PRH1: variants seen among roughly 807,000 people sequenced by gnomAD.
PRH1 encodes the protein proline rich protein HaeIII subfamily 1, also known as salivary acidic proline-rich phosphoprotein 1/2.
PRH1 carries 7 observed loss-of-function variants against 7.9 expected under a neutral mutation model. The ratio of observed to expected loss-of-function variants is 0.89; its 90% CI spans 0.50 to 1.67. The LOEUF (loss-of-function observed/expected upper bound fraction) is 1.67, where lower values mean the gene tolerates loss of function less well. Among genes scored for constraint, PRH1 ranks in the 40% most tolerant of loss-of-function variants. PRH1 has a pLI of 0.00. For missense variants in PRH1, 109 were observed against 223.6 expected, an observed-to-expected ratio of 0.49 and a Z score of 3.27; for synonymous variants, 45 against 80.8, an observed-to-expected ratio of 0.56 and a Z score of 2.38.
intron 2 of PRH1, among the ~76,000 whole-genome samples, chr12:10,923,124 G>A (rs1185405735): frequency 3.5e-5 from 5 of 142,702 alleles, no homozygotes; most frequent in Admixed American, 7.0e-5. Flanking sequence ...CACCGCGCCC[G>A]GCCCTTTTTT....
intron 1 of PRH1, among the ~76,000 whole-genome samples, chr12:11,084,198 C>CAT (rs1944600464): frequency 3.6e-5 from 1 of 27,978 alleles, no homozygotes; most frequent in Non-Finnish European, 1.4e-4. Flanking sequence ...GGGATTGTAA[C>CAT]GGGCACAAGC....
chr12:11,083,341 C>A (rs1339517161), intron 1 of PRH1, among the ~76,000 whole-genome samples: 32 of 106,012 alleles, frequency 3.0e-4, no homozygotes, highest in Admixed American at 1.4e-3. Context: ...TTACCTCTTC[C>A]TTTTTTAAAT....
chr12:10,940,434 T>C (rs1420333132), intron 2 of PRH1, among the ~76,000 whole-genome samples: 1 of 152,244 alleles, frequency 6.6e-6, no homozygotes, highest in Non-Finnish European at 1.5e-5. Flanking sequence ...ATATTTTCTC[T>C]GTACATGTGA....
At chr12:11,125,712 A>ATAACT (rs1382654536) in intron 1 of PRH1, among the ~76,000 whole-genome samples, 1 of 144,880 alleles carries the variant, frequency 6.9e-6, no homozygotes, top group Non-Finnish European at 1.5e-5. Flanking sequence ...CGATATTACT[A>ATAACT]TATTGGAAAT....
chr12:11,104,096 C>T (rs1046851448), intron 1 of PRH1, among the ~76,000 whole-genome samples: 1 of 149,748 alleles, frequency 6.7e-6, no homozygotes, highest in African/African-American at 2.5e-5. Context: ...TAGGATGTTC[C>T]AGATTCACTT....
intron 1 of PRH1, among the ~76,000 whole-genome samples, chr12:11,066,961 A>C (rs1164917907): frequency 6.6e-6 from 1 of 152,164 alleles, no homozygotes; most frequent in Non-Finnish European, 1.5e-5. Flanking sequence ...CTTTTTGGGC[A>C]TTTTTCAATA....
At chr12:10,975,329 T>C (rs968279371) in intron 1 of PRH1, among the ~76,000 whole-genome samples, 3 of 152,204 alleles carry the variant, frequency 2.0e-5, no homozygotes, top group Non-Finnish European at 2.9e-5. Context: ...CAAACTAAGC[T>C]TCATAAGTGA....
At chr12:11,004,581 A>G (rs925340477) in intron 1 of PRH1, among the ~76,000 whole-genome samples, 1 of 152,142 alleles carries the variant, frequency 6.6e-6, no homozygotes, top group East Asian at 1.9e-4. Flanking sequence ...CTTTAGTTGA[A>G]AAATTACATC....
At position 11,087,937 on chromosome 12, in the gene PRH1, C is replaced by A. The variant is rs1435500221; in HGVS notation, n.124-40749G>T. 2.1e-5 allele frequency among the ~76,000 whole-genome samples: 2 copies of A among 95,762 alleles called. 1 individual carries two copies. The highest frequency in any genetic ancestry group is 5.1e-5 in the Non-Finnish European group (2 of 39,396). 62.8% of individuals were successfully genotyped at this position (95,762 alleles called of 152,430 possible). ...TATGAGGAAAAATCAAAACAATTTG[C>A]CTCGTTTTATAATAATAATAACACT... On this transcript the variant is annotated intron_variant and non_coding_transcript_variant, in intron 1 of 4. Transcript: ENST00000541977.
intron 2 of PRH1, among the ~76,000 whole-genome samples, chr12:10,899,371 C>G (rs1303735259): frequency 6.6e-6 from 1 of 152,128 alleles, no homozygotes; most frequent in African/African-American, 2.4e-5. Context: ...CATCAGAACT[C>G]ATATTGGGAT....
At position 11,067,004 on chromosome 12, in the gene PRH1, A is replaced by C. The variant is rs1172292147; in HGVS notation, n.124-19816T>G. 2.0e-5 allele frequency among the ~76,000 whole-genome samples: 3 copies of C among 152,318 alleles called. No individual in the cohort carries two copies. The Middle Eastern group carries it at 0.01, about 518-fold the overall frequency. On this transcript the variant is annotated intron_variant and non_coding_transcript_variant, in intron 1 of 4. Transcript: ENST00000541977. ...AGAAAAATACTCTCTGCAATAATAC[A>C]GTATATCAACTTCATTTCATCTTTT... is the stretch of plus-strand genomic sequence containing the variant.
upstream of PRH1, chr12:11,171,530 G>C: frequency 8.1e-7 from 1 of 1,232,328 alleles, no homozygotes; most frequent in Non-Finnish European, 1.0e-6. Context: ...CGGGCTCGGT[G>C]ATCCTCAACA....
chr12:11,056,513 T>C (rs1369475375), intron 1 of PRH1, among the ~76,000 whole-genome samples: 1 of 152,192 alleles, frequency 6.6e-6, no homozygotes, highest in African/African-American at 2.4e-5. Context: ...AACTACTCCC[T>C]GCCTCAGTAT....
intron 1 of PRH1, among the ~76,000 whole-genome samples, chr12:11,110,153 G>C (rs1355160366): frequency 6.6e-6 from 1 of 152,158 alleles, no homozygotes; most frequent in Non-Finnish European, 1.5e-5. Flanking sequence ...AAAGCCTCAA[G>C]AAATATTGGA....
intron 1 of PRH1, among the ~76,000 whole-genome samples, chr12:11,105,766 T>A (rs1313929938): frequency 6.6e-6 from 1 of 152,142 alleles, no homozygotes; most frequent in East Asian, 1.9e-4. Context: ...AAAGGGAGCT[T>A]GGACATAACT....
chr12:10,898,625 T>A (rs1377614657), intron 2 of PRH1, among the ~76,000 whole-genome samples: 2 of 152,104 alleles, frequency 1.3e-5, no homozygotes, highest in Non-Finnish European at 2.9e-5. Context: ...ATATATATCA[T>A]ACAGATATAA....
rs577168960 is a variant in PRH1 at position 11,068,366 on chromosome 12, C to T, written n.124-21178G>A. Among the ~76,000 whole-genome samples the T allele has an allele frequency of 4.4e-4, 67 of 152,230 alleles. No individual in the cohort carries two copies. The South Asian group carries it at 0.014, about 31-fold the overall frequency. ...ATGTATTTTTCCATCTTGATAATTC[C>T]TCTCACATTTGTGAGTATTATTATC... On this transcript the variant is annotated intron_variant and non_coding_transcript_variant, in intron 1 of 4. Coordinates refer to the PRH1 transcript ENST00000541977.
At chr12:11,035,688 A>T (rs1308806370) in intron 1 of PRH1, among the ~76,000 whole-genome samples, 7 of 152,314 alleles carry the variant, frequency 4.6e-5, no homozygotes, top group African/African-American at 1.7e-4. Context: ...CCTGCAACTT[A>T]GAAGAAACTG....
At chr12:11,147,920 C>T (rs1248798445) in intron 1 of PRH1, among the ~76,000 whole-genome samples, 1 of 150,886 alleles carries the variant, frequency 6.6e-6, no homozygotes, top group African/African-American at 2.4e-5. Flanking sequence ...TACCCATGAG[C>T]ATGGAATGTT....
Sources: gnomAD v4.1 joint callset for allele counts (sites outside exome capture counted in the v4.1 genomes callset) on GRCh38, gnomAD v4.1.1 for gene constraint, MANE v1.5 for transcripts, NCBI Gene and HGNC (gene_info 2026-07-23, HGNC 2026-07-21) for gene names.